SNX29: variants seen among roughly 807,000 people sequenced by gnomAD.
SNX29 encodes sorting nexin-29.
In SNX29, 78 loss-of-function variants were observed where a neutral mutation model predicts 102.1. The ratio of observed to expected loss-of-function variants is 0.76; its 90% CI spans 0.64 to 0.92. SNX29 has a LOEUF of 0.92. Ranked by LOEUF, SNX29 falls within the 40% of genes least tolerant of loss-of-function variation. The pLI is 0.00. For synonymous variants in SNX29, 580 were observed against 414.5 expected, an observed-to-expected ratio of 1.40 and a Z score of -4.85; for missense variants, 1,280 against 1,061.7, an observed-to-expected ratio of 1.21 and a Z score of -2.86.
chr16:12,411,267 T>A lies in SNX29; in HGVS notation c.2037+7738T>A, dbSNP rs546207744. Among the ~76,000 whole-genome samples, 4 of 152,280 alleles carry A rather than the reference T, an allele frequency of 2.6e-5. No homozygotes were observed. In the South Asian group the frequency reaches 8.3e-4, roughly 32 times the overall value. Reference sequence around the variant, plus strand: ...CTGAGGCAGCCGTTTGCTGTTTGATTTGTGAGTTTCATCCCAGCCAGTGTG... The same window carrying A: ...CTGAGGCAGCCGTTTGCTGTTTGATATGTGAGTTTCATCCCAGCCAGTGTG... On this transcript the variant is annotated intron_variant, in intron 18 of 20. Coordinates refer to ENST00000566228, the MANE Select transcript of SNX29 (RefSeq NM_032167.5).
intron 11 of SNX29, among the ~76,000 whole-genome samples, chr16:12,122,873 C>T (rs1257699196): frequency 1.3e-5 from 2 of 152,150 alleles, no homozygotes; most frequent in African/African-American, 4.8e-5. Context: ...GTCACCCAGA[C>T]TGGAGTGTGG....
intron 20 of SNX29, among the ~76,000 whole-genome samples, chr16:12,559,984 A>G (rs955642349): frequency 2.6e-5 from 4 of 152,206 alleles, no homozygotes; most frequent in Non-Finnish European, 4.4e-5. Context: ...ACCACGAAAA[A>G]AAGATTTTGC....
At position 12,301,837 on chromosome 16, in the gene SNX29, A is replaced by G. The variant is rs544637712; in HGVS notation, c.1782+23801A>G. Among the ~76,000 whole-genome samples, 4 of 152,308 alleles carry G rather than the reference A, an allele frequency of 2.6e-5. No homozygotes were observed. The South Asian group carries it at 8.3e-4, about 32-fold the overall frequency. On this transcript the variant is annotated intron_variant, in intron 15 of 20. Coordinates refer to ENST00000566228, the MANE Select transcript of SNX29 (RefSeq NM_032167.5). ...TATGGACAGAGAAAGAAAGATTTTAATCCTTCTCAGAGTCGAAGCTCTTTT... is the reference window on the plus strand; with the variant it reads ...TATGGACAGAGAAAGAAAGATTTTAGTCCTTCTCAGAGTCGAAGCTCTTTT...
At chr16:12,061,741 A>C in intron 9 of SNX29, 95 bp downstream of exon 9, 2 of 1,101,398 alleles carry the variant, frequency 1.8e-6, no homozygotes, top group Non-Finnish European at 2.6e-6. Context: ...TAGGAATGGG[A>C]GCCGGGAGGC....
At chr16:12,567,673 G>A (rs572683160) in intron 20 of SNX29, among the ~76,000 whole-genome samples, 69 of 152,194 alleles carry the variant, frequency 4.5e-4, no homozygotes, top group African/African-American at 1.6e-3. Context: ...GAGGTGAGAG[G>A]ATCACTTGAG....
rs867200750 is a variant in SNX29, at chr16:12,570,639, C to G, written c.*2010C>G. On this transcript the variant is annotated 3_prime_UTR_variant, in exon 21 of 21. Coordinates refer to ENST00000566228, the MANE Select transcript of SNX29 (RefSeq NM_032167.5). ...TCTCTGTTGGATAAAGGAACCTCCC[C>G]CATCTGTGACATTCCCTTGGGCCCA... is the stretch of plus-strand genomic sequence containing the variant. The G allele has an allele frequency of 8.6e-5, 20 of 232,216 alleles. No homozygotes were observed. The highest frequency in any genetic ancestry group is 4.2e-4 in the African/African-American group (19 of 45,260). 14.4% of individuals were successfully genotyped at this position (232,216 alleles called of 1,614,324 possible). A position where few individuals can be genotyped will look rare whatever the true frequency, so the allele number is the denominator to read the frequency against.
intron 11 of SNX29, among the ~76,000 whole-genome samples, chr16:12,100,065 G>T (rs1362189138): frequency 6.6e-6 from 1 of 152,202 alleles, no homozygotes; most frequent in Non-Finnish European, 1.5e-5. Context: ...GGAGGAACTT[G>T]TCCAGCATAG....
At chr16:12,253,790 CTGAGTTAGGG>C (rs2078490202) in intron 14 of SNX29, among the ~76,000 whole-genome samples, 1 of 152,054 alleles carries the variant, frequency 6.6e-6, no homozygotes, top group African/African-American at 2.4e-5. Flanking sequence ...GGGGTGGCCT[CTGAGTTAGGG>C]TTTTGGAAGT....
Position 12,097,542 on chromosome 16 carries a change from A to ATT in SNX29, c.1402+18637_1402+18638dup, listed in dbSNP as rs34337910. Among the ~76,000 whole-genome samples the ATT allele has an allele frequency of 1.4e-3, 210 of 149,138 alleles. 1 individual carries two copies. The South Asian group carries it at 0.016, about 12-fold the overall frequency. ...GTGCTCTTGGTTTGGGCCACACATG[A>ATT]TTTTTTTTTTTGGTCTTTTTTAGCA... On this transcript the variant is annotated intron_variant, in intron 11 of 20. Coordinates refer to ENST00000566228, the MANE Select transcript of SNX29 (RefSeq NM_032167.5).
At chr16:12,295,539 G>A (rs1169338158) in intron 15 of SNX29, among the ~76,000 whole-genome samples, 2 of 152,210 alleles carry the variant, frequency 1.3e-5, no homozygotes, top group African/African-American at 4.8e-5. Flanking sequence ...AACCGGTGGA[G>A]CAGAGAGCTG....
intron 15 of SNX29, among the ~76,000 whole-genome samples, chr16:12,329,175 G>T (rs1025860599): frequency 6.6e-5 from 10 of 150,434 alleles, no homozygotes; most frequent in African/African-American, 2.2e-4. Flanking sequence ...TACTCAGGAG[G>T]CTGAGGCAGG....
intron 14 of SNX29, among the ~76,000 whole-genome samples, chr16:12,266,787 G>A (rs2142559444): frequency 6.6e-6 from 1 of 151,216 alleles, no homozygotes; most frequent in South Asian, 2.1e-4. Flanking sequence ...TCTTTGAGAT[G>A]GAGTCTTGCT....
chr16:12,505,763 CAAA>C (rs61113263), intron 19 of SNX29, among the ~76,000 whole-genome samples: 27 of 75,874 alleles, frequency 3.6e-4, no homozygotes, highest in Middle Eastern at 0.013. Flanking sequence ...GTCAATTCTG[CAAA>C]AAAAAAAAAA....
intron 1 of SNX29, among the ~76,000 whole-genome samples, chr16:11,979,330 A>C (rs1029776436): frequency 1.7e-4 from 26 of 151,810 alleles, no homozygotes; most frequent in African/African-American, 5.8e-4. Flanking sequence ...GAGAAAAGGA[A>C]ACCAACAAAT....
At chr16:12,288,595 C>T (rs916764944) in intron 15 of SNX29, among the ~76,000 whole-genome samples, 2 of 151,530 alleles carry the variant, frequency 1.3e-5, no homozygotes, top group Admixed American at 1.3e-4. Context: ...CAGGCTAAGC[C>T]CTTCTTTGGG....
rs113670687 is a variant in SNX29, at chr16:12,360,661, G to A, written c.1899+4382G>A. ...AATCCCCATCCCCCCACCCCCTACC[G>A]TATTGAAAGCCTAATAGTGCAGTCC... On this transcript the variant is annotated intron_variant, in intron 16 of 20. Transcript: ENST00000566228. Among the ~76,000 whole-genome samples the A allele has an allele frequency of 5.5e-3, 719 of 131,068 alleles. 5 individuals carry two copies. The highest frequency in any genetic ancestry group is 0.02 in the African/African-American group (691 of 35,274). 86.0% of individuals were successfully genotyped at this position (131,068 alleles called of 152,430 possible).
chr16:12,401,475 T>C (rs1275173107), intron 17 of SNX29, among the ~76,000 whole-genome samples: 2 of 149,802 alleles, frequency 1.3e-5, no homozygotes, highest in Non-Finnish European at 3.0e-5. Context: ...GTGATTCTCC[T>C]GCCTCAGCCT....
intron 20 of SNX29, among the ~76,000 whole-genome samples, chr16:12,545,830 G>T (rs562524290): frequency 6.6e-6 from 1 of 152,102 alleles, no homozygotes; most frequent in Admixed American, 6.6e-5. Context: ...CCAGACCTGT[G>T]GGGGAGGGGA....
At chr16:12,206,602 G>T (rs1422817618) in intron 14 of SNX29, among the ~76,000 whole-genome samples, 5 of 151,816 alleles carry the variant, frequency 3.3e-5, no homozygotes, top group Non-Finnish European at 5.9e-5. Flanking sequence ...GTTCTCCTTG[G>T]GCTGGCAAGA....
Sources: allele counts gnomAD v4.1 joint callset (sites outside exome capture counted in the v4.1 genomes callset), GRCh38; gene constraint gnomAD v4.1.1; transcripts MANE v1.5; gene names NCBI Gene and HGNC (gene_info 2026-07-23, HGNC 2026-07-21).